Variants in MEF2A observed in about 807,000 individuals in gnomAD.
MEF2A encodes the protein myocyte enhancer factor 2A.
Under a neutral mutation model 55.8 loss-of-function variants are expected in MEF2A, and 28 were observed. The observed-to-expected ratio is 0.50, with a 90% CI of 0.37 to 0.69. The LOEUF (loss-of-function observed/expected upper bound fraction) is 0.69. Among genes scored for constraint, MEF2A ranks in the 30% least tolerant of loss-of-function variants. The probability of loss-of-function intolerance (pLI) is 0.00; values close to 1 mark genes in which losing one functional copy is unlikely to be tolerated. For synonymous variants in MEF2A, 239 were observed against 227.1 expected (o/e 1.05, Z -0.47); for missense variants, 528 against 626.2 (o/e 0.84, Z 1.67).
At position 99,645,601 on chromosome 15, in the gene MEF2A, C is replaced by G; in HGVS notation, c.95C>G (p.Ala32Gly). 1 of 1,613,528 alleles carries G rather than the reference C, an allele frequency of 6.2e-7. No individual in the cohort carries two copies. The highest frequency in any genetic ancestry group is 8.5e-7 in the Non-Finnish European group (1 of 1,179,668). The change falls in exon 4 of 12, where the codon GCC becomes GGC. Residue 32 changes from alanine to glycine, a missense_variant. By Grantham distance (60) the Ala-to-Gly change is moderately conservative. This residue lies in a region of MEF2A where 78 missense variants were observed against 150.9 expected (regional missense o/e 0.52). Coordinates refer to ENST00000557942, the MANE Select transcript of MEF2A (RefSeq NM_001319206.4). Reference protein sequence around the residue: ...TKRKFGLMKKAYELSVLCDCE... With the variant: ...TKRKFGLMKKGYELSVLCDCE... ...AGAAAGTTTGGATTAATGAAGAAAG[C>G]CTATGAACTTAGTGTGCTCTGTGAC...
chr15:99,639,109 A>G (rs2044423779), intron 3 of MEF2A, among the ~76,000 whole-genome samples: 1 of 152,206 alleles, frequency 6.6e-6, no homozygotes, highest in South Asian at 2.1e-4. Flanking sequence ...AGTACAGAGA[A>G]CGATACTTCA....
rs1480589418 is a variant in MEF2A, at chr15:99,706,551, A to G, written c.883-178A>G. 3.0e-5 allele frequency: 19 copies of G among 630,004 alleles called. No homozygotes were observed. In the South Asian group the frequency reaches 3.7e-4, roughly 12 times the overall value. The allele number at this position is 630,004 out of a possible 1,614,324, so 39.0% of individuals were successfully genotyped here. A position where few individuals can be genotyped will look rare whatever the true frequency, so the allele number is the denominator to read the frequency against. On this transcript the variant is annotated intron_variant, in intron 9 of 11. Coordinates refer to ENST00000557942, the MANE Select transcript of MEF2A (RefSeq NM_001319206.4). ...TTAAAAGAATTAATGTAAAAATAGG[A>G]CCCTTCAAATTAAATATTTAGTTAT...
intron 4 of MEF2A, among the ~76,000 whole-genome samples, chr15:99,650,030 G>T (rs565973079): frequency 3.9e-5 from 6 of 152,018 alleles, no homozygotes; most frequent in Non-Finnish European, 8.8e-5. Flanking sequence ...AAATAAAAGG[G>T]TCATGGCCGT....
At position 99,694,471 on chromosome 15, in the gene MEF2A, A is replaced by G. The variant is rs545708918; in HGVS notation, c.858+4043A>G. On this transcript the variant is annotated intron_variant, in intron 8 of 11. Transcript: ENST00000557942. ...AAAATCTGAAATCCAAAATGATCCA[A>G]TGAGTACTACATGCGAGTGTCATGT... Among the ~76,000 whole-genome samples the G allele has an allele frequency of 7.2e-5, 11 of 152,346 alleles. 1 individual carries two copies. Among genetic ancestry groups the G allele is most frequent in the African/African-American group, 2.6e-4 (11 of 41,588 alleles).
At chr15:99,671,983 A>G (rs1429870146) in intron 5 of MEF2A, among the ~76,000 whole-genome samples, 1 of 152,166 alleles carries the variant, frequency 6.6e-6, no homozygotes. Context: ...GGTATCTTCC[A>G]GCTCTAAAAT....
At chr15:99,600,916 T>G (rs1196580581) in intron 2 of MEF2A, among the ~76,000 whole-genome samples, 2 of 152,198 alleles carry the variant, frequency 1.3e-5, no homozygotes, top group Non-Finnish European at 2.9e-5. Flanking sequence ...AGAATCAGCT[T>G]CTTAATTTCT....
intron 2 of MEF2A, among the ~76,000 whole-genome samples, chr15:99,613,081 G>A (rs1300664719): frequency 6.6e-6 from 1 of 152,186 alleles, no homozygotes; most frequent in Non-Finnish European, 1.5e-5. Flanking sequence ...CTTCACTCTT[G>A]TACATAGCCA....
chr15:99,666,258 TA>T (rs918202148), intron 4 of MEF2A, among the ~76,000 whole-genome samples: 19 of 151,464 alleles, frequency 1.3e-4, no homozygotes, highest in African/African-American at 2.2e-4. Flanking sequence ...TATGCAGCCA[TA>T]AAAAAAAGAA....
chr15:99,693,510 TACA>T (rs1156750588), intron 8 of MEF2A, among the ~76,000 whole-genome samples: 1 of 152,104 alleles, frequency 6.6e-6, no homozygotes. Context: ...ATCTTAGAGA[TACA>T]TTACAGAAAA....
At chr15:99,630,560 T>C (rs2042788212) in intron 2 of MEF2A, among the ~76,000 whole-genome samples, 1 of 152,232 alleles carries the variant, frequency 6.6e-6, no homozygotes, top group Admixed American at 6.5e-5. Context: ...TTAAAAATCT[T>C]GGTTTCAGTT....
At chr15:99,599,463 T>A (rs1972281012) in intron 2 of MEF2A, among the ~76,000 whole-genome samples, 1 of 152,114 alleles carries the variant, frequency 6.6e-6, no homozygotes, top group African/African-American at 2.4e-5. Flanking sequence ...CTTGAATGAT[T>A]AAATAGTAGA....
Position 99,674,471 on chromosome 15 carries a change from CCAGGGAGTT to C in MEF2A, c.472_480del (p.Gly158_Ser160del). The C allele has an allele frequency of 6.2e-7, 1 of 1,613,940 alleles. No individual in the cohort carries two copies. The highest frequency in any genetic ancestry group is 8.5e-7 in the Non-Finnish European group (1 of 1,179,868). ...CCCCAATGCTTTGTCCTACACTAACCCAGGGAGTTCACTGGTGTCCCCATCTTTGGCAGC... is the reference window on the plus strand; with the variant it reads ...CCCCAATGCTTTGTCCTACACTAACCCACTGGTGTCCCCATCTTTGGCAGC... On this transcript the variant is annotated inframe_deletion, in exon 6 of 12. Transcript: ENST00000557942.
chr15:99,694,807 TTCTC>T (rs1033471935), intron 8 of MEF2A, among the ~76,000 whole-genome samples: 13 of 152,192 alleles, frequency 8.5e-5, no homozygotes, highest in Admixed American at 2.0e-4. Context: ...GATTTATCTC[TTCTC>T]TCTCATTTAT....
intron 8 of MEF2A, among the ~76,000 whole-genome samples, chr15:99,694,161 G>A (rs1262450283): frequency 1.3e-5 from 2 of 152,048 alleles, no homozygotes; most frequent in African/African-American, 4.8e-5. Flanking sequence ...GACTTTCCTT[G>A]CTTTAATGAC....
chr15:99,617,900 G>A (rs879608171), intron 2 of MEF2A, among the ~76,000 whole-genome samples: 11 of 151,954 alleles, frequency 7.2e-5, no homozygotes, highest in Non-Finnish European at 1.2e-4. Flanking sequence ...TTTTATTCTC[G>A]TAGTTGAACC....
chr15:99,693,747 C>T (rs2055943232), intron 8 of MEF2A, among the ~76,000 whole-genome samples: 1 of 152,016 alleles, frequency 6.6e-6, no homozygotes. Flanking sequence ...TAAAGGAAGC[C>T]CTTCAGCAGG....
At position 99,610,427 on chromosome 15, in the gene MEF2A, ACCCCC is replaced by A. The variant is rs1567221026; in HGVS notation, c.-143+11921_-143+11925del. Among the ~76,000 whole-genome samples, 4 of 67,548 alleles carry A rather than the reference ACCCCC, an allele frequency of 5.9e-5. No individual in the cohort carries two copies. The South Asian group carries it at 1.9e-3, about 32-fold the overall frequency. 44.3% of individuals were successfully genotyped at this position (67,548 alleles called of 152,430 possible). A position where few individuals can be genotyped will look rare whatever the true frequency, so the allele number is the denominator to read the frequency against. ...GTCTCCCCCGCCCCCCCCCCCCCCC[ACCCCC>A]CCCCGAAATTGACAAACTGATCCTA... On this transcript the variant is annotated intron_variant, in intron 2 of 11. Transcript: ENST00000557942.
chr15:99,711,701 A>G (rs138626947), intron 11 of MEF2A, among the ~76,000 whole-genome samples: 20 of 152,332 alleles, frequency 1.3e-4, no homozygotes, highest in Non-Finnish European at 2.5e-4. Context: ...GTAACTGCAC[A>G]GTGAGGATTG....
rs1466303214 is a variant in MEF2A, at chr15:99,716,355, GTGT to G, written c.*3589_*3591del. On this transcript the variant is annotated 3_prime_UTR_variant, in exon 12 of 12. Transcript: ENST00000557942. Reference sequence around the variant, plus strand: ...AGTTAATCTCAATTTTTCCCTGAATGTGTTGTTTTTCTTCATTATACAATAAAT... The same window carrying G: ...AGTTAATCTCAATTTTTCCCTGAATGTGTTTTTCTTCATTATACAATAAAT... 5.6e-6 allele frequency: 2 copies of G among 354,896 alleles called. No homozygotes were observed. Among genetic ancestry groups the G allele is most frequent in the East Asian group, 7.6e-5 (1 of 13,186 alleles). The allele number at this position is 354,896 out of a possible 1,614,324, so 22.0% of individuals were successfully genotyped here.
Sources: allele counts gnomAD v4.1 joint callset (sites outside exome capture counted in the v4.1 genomes callset), GRCh38; gene constraint gnomAD v4.1.1; regional missense constraint gnomAD v4.1.1; transcripts MANE v1.5; gene names NCBI Gene and HGNC (gene_info 2026-07-23, HGNC 2026-07-21).